IRAK1BP1: variants seen among roughly 807,000 people sequenced by gnomAD.
IRAK1BP1 encodes interleukin 1 receptor associated kinase 1 binding protein 1, also known as interleukin-1 receptor-associated kinase 1-binding protein 1.
IRAK1BP1 carries 24 observed loss-of-function variants against 28.0 expected under a neutral mutation model. That is an observed-to-expected ratio of 0.86 (90% CI 0.62 to 1.20). The LOEUF (loss-of-function observed/expected upper bound fraction) is 1.20, where lower values mean the gene tolerates loss of function less well. IRAK1BP1 is among the 50% of genes most tolerant of loss of function. The pLI is 0.00. For missense variants in IRAK1BP1, 336 were observed against 316.7 expected, an observed-to-expected ratio of 1.06 and a Z score of -0.46; for synonymous variants, 131 against 116.3, an observed-to-expected ratio of 1.13 and a Z score of -0.81.
intron 4 of IRAK1BP1, chr6:78,940,617 A>G (rs933687022): frequency 3.2e-6 from 2 of 624,198 alleles, no homozygotes; most frequent in East Asian, 6.9e-5. Context: ...GCAGCAAGGA[A>G]GCAGAAGCCT....
the IRAK1BP1 span, among the ~76,000 whole-genome samples, chr6:78,976,822 T>A: frequency 1.2e-4 from 16 of 136,152 alleles, no homozygotes; most frequent in African/African-American, 4.4e-4. Context: ...AAAACCACAA[T>A]GAGATACCAT....
At chr6:78,876,147 C>T (rs111465577) in intron 1 of IRAK1BP1, among the ~76,000 whole-genome samples, 105 of 152,106 alleles carry the variant, frequency 6.9e-4, no homozygotes, top group African/African-American at 2.2e-3. Context: ...CAGTTTCCTC[C>T]GTGCTGTTCT....
chr6:78,966,759 TGTC>T, the IRAK1BP1 span, among the ~76,000 whole-genome samples: 1 of 152,228 alleles, frequency 6.6e-6, no homozygotes, highest in African/African-American at 2.4e-5. Flanking sequence ...GTTCCTTCTG[TGTC>T]ATAAGAAAAC....
At chr6:78,973,121 CAGAG>C in the IRAK1BP1 span, among the ~76,000 whole-genome samples, 1 of 152,014 alleles carries the variant, frequency 6.6e-6, no homozygotes, top group Non-Finnish European at 1.5e-5. Flanking sequence ...TAAGGGCAGC[CAGAG>C]AGAAAGGTCG....
At chr6:78,929,772 T>C (rs1021954460) in intron 4 of IRAK1BP1, among the ~76,000 whole-genome samples, 1 of 152,170 alleles carries the variant, frequency 6.6e-6, no homozygotes, top group East Asian at 1.9e-4. Context: ...AAGTGAACAT[T>C]GGGTTTGCTT....
Position 78,900,216 on chromosome 6 carries a change from T to C in IRAK1BP1, c.*1882T>C, listed in dbSNP as rs1019801566. On this transcript the variant is annotated 3_prime_UTR_variant, in exon 4 of 4. Transcript: ENST00000369940. Reference sequence around the variant, plus strand: ...GAGATAATAATGATTCTTAAGGCCATTTGAAAGTTAACAGCAAGTATGTAT... The same window carrying C: ...GAGATAATAATGATTCTTAAGGCCACTTGAAAGTTAACAGCAAGTATGTAT... 6.6e-6 allele frequency: 1 copy of C among 152,236 alleles called. No homozygotes were observed. The highest frequency in any genetic ancestry group is 1.5e-5 in the Non-Finnish European group (1 of 68,048). The allele number at this position is 152,236 out of a possible 1,614,324, so 9.4% of individuals were successfully genotyped here.
the IRAK1BP1 span, among the ~76,000 whole-genome samples, chr6:78,962,071 A>G: frequency 3.9e-5 from 6 of 152,308 alleles, no homozygotes; most frequent in East Asian, 9.6e-4. Context: ...TACATATATC[A>G]GACCTAATAA....
chr6:78,965,746 T>C, the IRAK1BP1 span: 1 of 1,561,310 alleles, frequency 6.4e-7, no homozygotes, highest in South Asian at 1.1e-5. Context: ...TCATCTTTTC[T>C]GTATCTCCAT....
the IRAK1BP1 span, among the ~76,000 whole-genome samples, chr6:78,962,096 C>T: frequency 1.3e-5 from 2 of 152,094 alleles, no homozygotes; most frequent in Admixed American, 1.3e-4. Flanking sequence ...ACATACATTG[C>T]CGTAATTGAC....
chr6:78,894,630 A>AC lies in IRAK1BP1; in HGVS notation c.382-3193dup, dbSNP rs562854246. Among the ~76,000 whole-genome samples the AC allele has an allele frequency of 3.3e-3, 502 of 152,224 alleles. 3 individuals carry two copies. The highest frequency in any genetic ancestry group is 0.011 in the African/African-American group (465 of 41,540). On this transcript the variant is annotated intron_variant, in intron 2 of 3. Transcript: ENST00000369940. ...GTCTACAACTTTTGTAGATTTCAATACCCCCCTTTTCAGTAGTTGATAAGA... is the reference window on the plus strand; with the variant it reads ...GTCTACAACTTTTGTAGATTTCAATACCCCCCCTTTTCAGTAGTTGATAAGA...
chr6:78,961,640 G>C, the IRAK1BP1 span: 1 of 1,590,982 alleles, frequency 6.3e-7, no homozygotes, highest in Non-Finnish European at 8.6e-7. Context: ...TAAATGGGTG[G>C]AAAGATCACC....
In IRAK1BP1 at chr6:78,902,047, T is replaced by C. The variant is rs1218339385; in HGVS notation, c.*3713T>C. The stretch of plus-strand genomic sequence containing the variant: ...CATTACAAAATGAAAGCAAATGCTT[T>C]ATTTATTCCAACAAAAAAAGACCTA... On this transcript the variant is annotated 3_prime_UTR_variant, in exon 4 of 4. Transcript: ENST00000369940. 6.6e-6 allele frequency: 1 copy of C among 152,226 alleles called. No homozygotes were observed. Among genetic ancestry groups the C allele is most frequent in the Non-Finnish European group, 1.5e-5 (1 of 68,042 alleles). 9.4% of individuals were successfully genotyped at this position (152,226 alleles called of 1,614,324 possible).
At chr6:78,877,781 C>T (rs1388967957) in intron 1 of IRAK1BP1, among the ~76,000 whole-genome samples, 1 of 152,178 alleles carries the variant, frequency 6.6e-6, no homozygotes, top group Non-Finnish European at 1.5e-5. Flanking sequence ...AAAATCGGGT[C>T]ACTCCCACCC....
the IRAK1BP1 span, among the ~76,000 whole-genome samples, chr6:78,960,759 AC>A: frequency 6.6e-6 from 1 of 152,264 alleles, no homozygotes; most frequent in South Asian, 2.1e-4. Flanking sequence ...GGGGGCTGCT[AC>A]TGGCATCTAG....
At chr6:78,946,063 G>A (rs1486177021) in exon 5 of IRAK1BP1, 2 of 1,612,460 alleles carry the variant, frequency 1.2e-6, no homozygotes, top group Non-Finnish European at 1.7e-6. Flanking sequence ...AGCTGAAGAA[G>A]TAGATGGTTG....
chr6:78,946,349 A>T, exon 5 of IRAK1BP1: 1 of 1,431,762 alleles, frequency 7.0e-7, no homozygotes. Flanking sequence ...CAATATTTGT[A>T]CTATTATGAA....
downstream of IRAK1BP1, chr6:78,947,636 CT>C: frequency 7.0e-7 from 1 of 1,434,818 alleles, no homozygotes; most frequent in Non-Finnish European, 9.8e-7. Context: ...TGATCTTTTG[CT>C]TGGTGTATAT....
chr6:78,946,572 T>A, downstream of IRAK1BP1: 2 of 1,398,178 alleles, frequency 1.4e-6, no homozygotes, highest in East Asian at 2.7e-5. Flanking sequence ...TTAAAAATCC[T>A]CCACATCATA....
At chr6:78,889,182 C>T (rs1224284143) in intron 2 of IRAK1BP1, among the ~76,000 whole-genome samples, 1 of 150,836 alleles carries the variant, frequency 6.6e-6, no homozygotes, top group African/African-American at 2.4e-5. Flanking sequence ...GACATAATGT[C>T]CAAAAATTTC....
Sources: gnomAD v4.1 joint callset for allele counts (sites outside exome capture counted in the v4.1 genomes callset) on GRCh38, gnomAD v4.1.1 for gene constraint, MANE v1.5 for transcripts, NCBI Gene and HGNC (gene_info 2026-07-23, HGNC 2026-07-21) for gene names.